DLG2: variants seen among roughly 807,000 people sequenced by gnomAD.
DLG2 encodes disks large homolog 2.
DLG2 carries 45 observed loss-of-function variants against 132.5 expected under a neutral mutation model. That is an observed-to-expected ratio of 0.34 (90% CI 0.27 to 0.44). The LOEUF is 0.44. Ranked by LOEUF, DLG2 falls within the 20% of genes least tolerant of loss-of-function variation. The pLI, the probability that DLG2 is intolerant of heterozygous loss-of-function variation, is 1.00. For missense variants in DLG2, 1,045 were observed against 1,196.9 expected (o/e 0.87, Z 1.87); for synonymous variants, 424 against 419.6 (o/e 1.01, Z -0.13).
intron 7 of DLG2, among the ~76,000 whole-genome samples, chr11:84,388,721 G>T (rs943316242): frequency 4.6e-5 from 7 of 151,872 alleles, no homozygotes; most frequent in African/African-American, 1.7e-4. Flanking sequence ...AGGAAACGAG[G>T]AAGAAGAGAA....
At chr11:83,594,167 A>G (rs927820402) in intron 19 of DLG2, among the ~76,000 whole-genome samples, 2 of 152,206 alleles carry the variant, frequency 1.3e-5, no homozygotes, top group African/African-American at 4.8e-5. Context: ...TCAATGGTCT[A>G]TGAGCAAGTG....
At chr11:84,701,609 G>A (rs1706756684) in intron 6 of DLG2, among the ~76,000 whole-genome samples, 1 of 151,514 alleles carries the variant, frequency 6.6e-6, no homozygotes, top group South Asian at 2.1e-4. Context: ...AAGTGTTTGA[G>A]CTCCCCCAAC....
intron 11 of DLG2, among the ~76,000 whole-genome samples, chr11:84,056,498 A>G (rs1057306105): frequency 6.6e-6 from 1 of 152,110 alleles, no homozygotes; most frequent in Admixed American, 6.6e-5. Flanking sequence ...CTTCAAGTGC[A>G]TCTCTCCCAT....
At chr11:85,429,998 C>T (rs1320202192) in intron 3 of DLG2, among the ~76,000 whole-genome samples, 3 of 152,114 alleles carry the variant, frequency 2.0e-5, no homozygotes, top group African/African-American at 7.2e-5. Context: ...GAAAATGTGG[C>T]ACACATACAC....
At chr11:83,692,834 C>A (rs1291741803) in intron 18 of DLG2, 6 of 152,132 alleles carry the variant, frequency 3.9e-5, no homozygotes, top group Admixed American at 3.9e-4. Flanking sequence ...TGAGTCTGGG[C>A]CAAGGGAATG....
chr11:84,142,319 C>CAAAAA (rs71066094), intron 9 of DLG2, among the ~76,000 whole-genome samples: 15 of 86,872 alleles, frequency 1.7e-4, no homozygotes, highest in Non-Finnish European at 2.2e-4. Flanking sequence ...GAATCCATCT[C>CAAAAA]AAAAAAAAAA....
At chr11:84,550,115 TACACACACACAC>T (rs60598747) in intron 6 of DLG2, among the ~76,000 whole-genome samples, 14 of 145,840 alleles carry the variant, frequency 9.6e-5, no homozygotes, top group African/African-American at 2.5e-4. Context: ...AACGAGCCTA[TACACACACACAC>T]ACACACACAC....
intron 15 of DLG2, among the ~76,000 whole-genome samples, chr11:83,886,900 C>T (rs373692662): frequency 0.013 from 1,920 of 150,068 alleles, 30 homozygotes; most frequent in South Asian, 0.072. Flanking sequence ...TTGAAACCAA[C>T]GACAACAAAG....
intron 6 of DLG2, chr11:84,545,781 A>AGTCTTGC (rs1488246785): frequency 2.4e-5 from 3 of 125,154 alleles, no homozygotes; most frequent in African/African-American, 1.1e-4. Context: ...TTTGAGAAGG[A>AGTCTTGC]GTCTTGCTCT....
chr11:85,114,764 G>A (rs879926028), intron 5 of DLG2, among the ~76,000 whole-genome samples: 28 of 151,844 alleles, frequency 1.8e-4, no homozygotes, highest in Non-Finnish European at 3.2e-4. Flanking sequence ...CAAAGAACTC[G>A]AAAAGTGACC....
rs190404955 is a variant in DLG2, at chr11:84,398,384, T to C, written c.519+136186A>G. 3.6e-3 allele frequency among the ~76,000 whole-genome samples: 553 copies of C among 152,230 alleles called. 1 individual carries two copies. Among genetic ancestry groups the C allele is most frequent in the African/African-American group, 0.012 (513 of 41,528 alleles). On this transcript the variant is annotated intron_variant, in intron 7 of 27. Transcript: ENST00000376104. The stretch of plus-strand genomic sequence containing the variant: ...ATTAGTAGTACTATAAAGAATAAAG[T>C]AGAGCTCATACTGGTATCTAAGGTT...
At chr11:84,765,422 C>G (rs996744974) in intron 6 of DLG2, among the ~76,000 whole-genome samples, 3 of 152,064 alleles carry the variant, frequency 2.0e-5, no homozygotes, top group African/African-American at 7.2e-5. Flanking sequence ...AGTACTGACT[C>G]AGCCTCCCAG....
intron 7 of DLG2, among the ~76,000 whole-genome samples, chr11:84,293,531 G>A (rs993118269): frequency 7.2e-5 from 11 of 152,098 alleles, no homozygotes; most frequent in South Asian, 6.2e-4. Flanking sequence ...AAAATTAGCC[G>A]TGCATAGTGG....
At chr11:83,898,823 T>C (rs953441711) in intron 15 of DLG2, among the ~76,000 whole-genome samples, 5 of 152,202 alleles carry the variant, frequency 3.3e-5, no homozygotes, top group Admixed American at 6.5e-5. Flanking sequence ...CCTATTAATT[T>C]TACTATTTCA....
At chr11:84,163,371 T>C (rs2095590083) in intron 9 of DLG2, 90 bp downstream of exon 9, 7 of 1,211,942 alleles carry the variant, frequency 5.8e-6, no homozygotes, top group South Asian at 5.7e-5. Context: ...TAAAACACAA[T>C]TGTATAATTT....
chr11:83,882,407 T>C (rs1004387401), intron 15 of DLG2, among the ~76,000 whole-genome samples: 7 of 152,330 alleles, frequency 4.6e-5, no homozygotes, highest in African/African-American at 1.4e-4. Flanking sequence ...AAATCAAGCA[T>C]GTTGGGACAA....
At chr11:84,573,620 T>C (rs2099491232) in intron 6 of DLG2, among the ~76,000 whole-genome samples, 1 of 152,116 alleles carries the variant, frequency 6.6e-6, no homozygotes, top group Non-Finnish European at 1.5e-5. Flanking sequence ...AATACCACCA[T>C]TCAGGTAAAG....
chr11:83,945,053 G>A (rs1411640595), intron 14 of DLG2, among the ~76,000 whole-genome samples: 1 of 152,084 alleles, frequency 6.6e-6, no homozygotes, highest in Non-Finnish European at 1.5e-5. Context: ...TCACTATATG[G>A]TCACAAATAC....
intron 3 of DLG2, among the ~76,000 whole-genome samples, chr11:85,530,870 T>C (rs908524643): frequency 3.3e-5 from 5 of 152,202 alleles, no homozygotes; most frequent in Admixed American, 2.6e-4. Context: ...GTATATTACA[T>C]AGCTATCACA....
Sources: gnomAD v4.1 joint callset for allele counts (sites outside exome capture counted in the v4.1 genomes callset) on GRCh38, gnomAD v4.1.1 for gene constraint, MANE v1.5 for transcripts, NCBI Gene and HGNC (gene_info 2026-07-23, HGNC 2026-07-21) for gene names.